PLEK2: variants seen among roughly 807,000 people sequenced by gnomAD.
PLEK2 encodes the protein pleckstrin-2.
A neutral mutation model predicts 43.8 loss-of-function variants in PLEK2; 29 were observed. The observed-to-expected ratio is 0.66, with a 90% CI of 0.49 to 0.90. PLEK2 has a LOEUF of 0.90. Ranked by LOEUF, PLEK2 falls within the 40% of genes least tolerant of loss-of-function variation. The probability of loss-of-function intolerance (pLI) is 0.00; values close to 1 mark genes in which losing one functional copy is unlikely to be tolerated. For missense variants in PLEK2, 398 were observed against 448.1 expected, an observed-to-expected ratio of 0.89 and a Z score of 1.01; for synonymous variants, 162 against 173.2, an observed-to-expected ratio of 0.94 and a Z score of 0.51.
At chr14:67,409,543 T>C (rs115952854) in intron 1 of PLEK2, among the ~76,000 whole-genome samples, 2,714 of 152,230 alleles carry the variant, frequency 0.018, 26 homozygotes, top group African/African-American at 0.023. Flanking sequence ...AGTGCTTCTG[T>C]CTCTTCTCCC....
intron 1 of PLEK2, among the ~76,000 whole-genome samples, chr14:67,405,514 A>G (rs577520527): frequency 2.6e-5 from 4 of 152,310 alleles, no homozygotes. Context: ...TCCAGGACAG[A>G]TGACTGGCAT....
intron 1 of PLEK2, among the ~76,000 whole-genome samples, chr14:67,404,408 C>T (rs773393048): frequency 1.1e-4 from 17 of 151,358 alleles, no homozygotes; most frequent in East Asian, 2.0e-4. Context: ...GGATTGCCCA[C>T]GCCTAAAAGT....
intron 1 of PLEK2, among the ~76,000 whole-genome samples, chr14:67,404,261 TA>T (rs2086065574): frequency 6.6e-6 from 1 of 152,214 alleles, no homozygotes; most frequent in East Asian, 1.9e-4. Flanking sequence ...CTCCACAGTC[TA>T]AAGCAACAAG....
chr14:67,411,532 A>G (rs1193317658), intron 1 of PLEK2, among the ~76,000 whole-genome samples: 1 of 152,026 alleles, frequency 6.6e-6, no homozygotes, highest in Non-Finnish European at 1.5e-5. Context: ...CAAGTTCCCT[A>G]ACTCCTCTGG....
At chr14:67,397,896 T>G in intron 1 of PLEK2, 70 bp from the exon 2 acceptor site, 1 of 1,304,842 alleles carries the variant, frequency 7.7e-7, no homozygotes, top group Non-Finnish European at 1.1e-6. Flanking sequence ...GGAGGGGGTG[T>G]CTGGTGGCAC....
chr14:67,392,223 G>A (rs1284870616), intron 6 of PLEK2, 103 bp downstream of exon 6: 6 of 800,130 alleles, frequency 7.5e-6, no homozygotes, highest in South Asian at 4.2e-5. Flanking sequence ...GCTGTAATTG[G>A]TGCCCTCCAG....
At chr14:67,399,865 G>C (rs999044010) in intron 1 of PLEK2, among the ~76,000 whole-genome samples, 3 of 152,240 alleles carry the variant, frequency 2.0e-5, no homozygotes, top group Admixed American at 6.5e-5. Context: ...TGTCTGCTGA[G>C]GGATCAGAAA....
intron 5 of PLEK2, 102 bp downstream of exon 5, chr14:67,392,560 G>A: frequency 7.9e-7 from 1 of 1,258,622 alleles, no homozygotes. Flanking sequence ...CGTCCCCCAA[G>A]CCCAAGGTCT....
At chr14:67,403,456 T>C (rs932751755) in intron 1 of PLEK2, among the ~76,000 whole-genome samples, 1 of 152,216 alleles carries the variant, frequency 6.6e-6, no homozygotes, top group Non-Finnish European at 1.5e-5. Context: ...GGTGTTTTTG[T>C]CTGACTGTAT....
At position 67,392,737 on chromosome 14, in the gene PLEK2, G is replaced by C; in HGVS notation, c.594C>G (p.Val198=). The stretch of plus-strand genomic sequence containing the variant: ...CAGAGCGAATGGCTCCCATGCTTCG[G>C]ACACCCACAGGCCTGAGGAAGTTCT... ...MEENFLRPVG[V]RSMGAIRSGD... Residue 198 remains valine (V), a synonymous_variant, in exon 5 of 9, where the codon GTC becomes GTG. Transcript: ENST00000216446. 6.2e-7 allele frequency: 1 copy of C among 1,614,168 alleles called. No homozygotes were observed. Among genetic ancestry groups the C allele is most frequent in the Non-Finnish European group, 8.5e-7 (1 of 1,179,986 alleles).
chr14:67,397,581 C>T, intron 2 of PLEK2, 81 bp downstream of exon 2: 1 of 1,218,072 alleles, frequency 8.2e-7, no homozygotes, highest in Non-Finnish European at 1.1e-6. Context: ...CTTCCTCCTA[C>T]CCACACCACT....
intron 7 of PLEK2, 112 bp downstream of exon 7, chr14:67,390,551 G>A (rs1004841983): frequency 2.0e-5 from 15 of 757,208 alleles, no homozygotes; most frequent in East Asian, 7.5e-5. Flanking sequence ...CAGACTTTAC[G>A]GCGGGTGCCA....
chr14:67,391,178 C>T (rs1190146003), intron 6 of PLEK2, among the ~76,000 whole-genome samples: 1 of 152,068 alleles, frequency 6.6e-6, no homozygotes, highest in Non-Finnish European at 1.5e-5. Context: ...CGTGTGCCCA[C>T]ATGTGCAGTA....
chr14:67,411,136 C>T (rs1042632780), intron 1 of PLEK2, among the ~76,000 whole-genome samples: 4 of 52,074 alleles, frequency 7.7e-5, no homozygotes, highest in African/African-American at 2.9e-4. Context: ...GACCCTGTCT[C>T]AAAAAAAAAA....
At chr14:67,400,109 A>G (rs1356753986) in intron 1 of PLEK2, among the ~76,000 whole-genome samples, 24 of 152,230 alleles carry the variant, frequency 1.6e-4, no homozygotes, top group Non-Finnish European at 1.5e-4. Flanking sequence ...TAGAGAGCCA[A>G]AAGTTGTAGA....
intron 3 of PLEK2, 76 bp downstream of exon 3, chr14:67,395,326 C>CG: frequency 1.5e-6 from 2 of 1,363,602 alleles, no homozygotes; most frequent in Admixed American, 3.7e-5. Context: ...CAGAGCCCCC[C>CG]CAAGGGGCAG....
Position 67,392,386 on chromosome 14 carries a change from A to G in PLEK2, c.711T>C (p.Ile237=). 1 of 1,613,898 alleles carries G rather than the reference A, an allele frequency of 6.2e-7. No individual in the cohort carries two copies. Among genetic ancestry groups the G allele is most frequent in the Non-Finnish European group, 8.5e-7 (1 of 1,179,836 alleles). The change falls in exon 6 of 9, where the codon ATT becomes ATC. Residue 237 remains isoleucine (I), a synonymous_variant. Transcript: ENST00000216446. ...CACTTAACTCCACAGTGCTCAGGCT[A>G]ATTTCTTCCTTGGGGCTTATCTTCT... ...YKKKISPKEE[I]SLSTVELSGT... is the part of the protein sequence containing the mutation.
Position 67,388,315 on chromosome 14 carries a change from G to A in PLEK2, c.856-13C>T. 2 of 1,573,250 alleles carry A rather than the reference G, an allele frequency of 1.3e-6. No homozygotes were observed. Among genetic ancestry groups the A allele is most frequent in the South Asian group, 1.1e-5 (1 of 90,268 alleles). On this transcript the variant is annotated splice_polypyrimidine_tract_variant and intron_variant, in intron 7 of 8. Transcript: ENST00000216446. ...GCCTGTTCTCTTCCTGTAGAGGAAA[G>A]GAGACCCAATTAGGAATTTGTGAAT... is the stretch of plus-strand genomic sequence containing the variant.
intron 1 of PLEK2, among the ~76,000 whole-genome samples, chr14:67,403,225 G>A (rs761953484): frequency 6.6e-6 from 1 of 152,128 alleles, no homozygotes; most frequent in Non-Finnish European, 1.5e-5. Context: ...GTCTTCTTTC[G>A]AGAAATGTCT....
Sources: gnomAD v4.1 joint callset for allele counts (sites outside exome capture counted in the v4.1 genomes callset) on GRCh38, gnomAD v4.1.1 for gene constraint, MANE v1.5 for transcripts, NCBI Gene and HGNC (gene_info 2026-07-23, HGNC 2026-07-21) for gene names.